The following ZNF716 variants were observed in gnomAD, a reference collection of about 807,000 sequenced individuals.
The protein encoded by ZNF716 is zinc finger protein 716.
ZNF716 carries 9 observed loss-of-function variants against 13.4 expected under a neutral mutation model. The ratio of observed to expected loss-of-function variants is 0.67; its 90% CI spans 0.41 to 1.18. The LOEUF is 1.18. Ranked by LOEUF, ZNF716 falls within the 50% of genes most tolerant of loss-of-function variation. The probability of loss-of-function intolerance (pLI) is 0.01; values close to 1 mark genes in which losing one functional copy is unlikely to be tolerated. For missense variants in ZNF716, 581 were observed against 576.6 expected (o/e 1.01, Z -0.08); for synonymous variants, 186 against 195.2 (o/e 0.95, Z 0.39).
chr7:57,466,680 T>A (rs539260831), intron 3 of ZNF716, among the ~76,000 whole-genome samples: 1 of 152,160 alleles, frequency 6.6e-6, no homozygotes, highest in Non-Finnish European at 1.5e-5. Flanking sequence ...TCTTTTTCTT[T>A]AGAAATTACC....
intron 1 of ZNF716, among the ~76,000 whole-genome samples, chr7:57,456,254 T>C (rs1789589415): frequency 6.6e-6 from 1 of 152,120 alleles, no homozygotes; most frequent in African/African-American, 2.4e-5. Context: ...ACGCCCGGCT[T>C]CTGGGTTGCA....
At chr7:57,461,609 G>T (rs1789709105) in intron 1 of ZNF716, among the ~76,000 whole-genome samples, 1 of 152,102 alleles carries the variant, frequency 6.6e-6, no homozygotes, top group Non-Finnish European at 1.5e-5. Flanking sequence ...ACAGGTGAGA[G>T]AAACTGGGAA....
chr7:57,455,304 G>A (rs1415886997), intron 1 of ZNF716, among the ~76,000 whole-genome samples: 1 of 152,066 alleles, frequency 6.6e-6, no homozygotes, highest in Non-Finnish European at 1.5e-5. Context: ...AGGAGCCCTG[G>A]GAGAAGAGAA....
intron 1 of ZNF716, among the ~76,000 whole-genome samples, chr7:57,458,351 T>G (rs1789641449): frequency 6.6e-6 from 1 of 152,244 alleles, no homozygotes; most frequent in Non-Finnish European, 1.5e-5. Context: ...TATTTCTTTT[T>G]TCTTTGTTAG....
chr7:57,460,788 A>G (rs1789695255), intron 1 of ZNF716, among the ~76,000 whole-genome samples: 2 of 152,154 alleles, frequency 1.3e-5, no homozygotes, highest in South Asian at 2.1e-4. Flanking sequence ...GTGCTCTATT[A>G]GTTCCATGCA....
At chr7:57,459,754 G>T (rs1181949468) in intron 1 of ZNF716, among the ~76,000 whole-genome samples, 1 of 152,142 alleles carries the variant, frequency 6.6e-6, no homozygotes, top group Non-Finnish European at 1.5e-5. Context: ...TGCGGTTCAT[G>T]CTCCCATTAC....
At chr7:57,454,749 G>C (rs1157960968) in intron 1 of ZNF716, among the ~76,000 whole-genome samples, 1 of 152,188 alleles carries the variant, frequency 6.6e-6, no homozygotes, top group Non-Finnish European at 1.5e-5. Context: ...TCCCGGCCGG[G>C]AGTGGTGGCT....
chr7:57,473,281 G>C lies in ZNF716; in HGVS notation c.*3332G>C, dbSNP rs1331001187. The C allele has an allele frequency of 6.6e-6, 1 of 152,126 alleles. No individual in the cohort carries two copies. Among genetic ancestry groups the C allele is most frequent in the Non-Finnish European group, 1.5e-5 (1 of 68,022 alleles). The allele number at this position is 152,126 out of a possible 1,614,324, so 9.4% of individuals were successfully genotyped here. A position where few individuals can be genotyped will look rare whatever the true frequency, so the allele number is the denominator to read the frequency against. On this transcript the variant is annotated 3_prime_UTR_variant, in exon 4 of 4. Coordinates refer to ENST00000420713, the MANE Select transcript of ZNF716 (RefSeq NM_001159279.1). Reference sequence around the variant, plus strand: ...CACAGTGGCTCCCAGCATTTTGGGAGCCTGAGGTGGGAGGATCATTTGAGG... The same window carrying C: ...CACAGTGGCTCCCAGCATTTTGGGACCCTGAGGTGGGAGGATCATTTGAGG...
chr7:57,458,507 C>G (rs1554322473), intron 1 of ZNF716, among the ~76,000 whole-genome samples: 1 of 151,980 alleles, frequency 6.6e-6, no homozygotes, highest in East Asian at 1.9e-4. Flanking sequence ...ACTGCAACCT[C>G]TGCCTTCCAG....
chr7:57,469,373 C>G lies in ZNF716; in HGVS notation c.912C>G (p.Ala304=). Residue 304 remains alanine (A), a synonymous_variant, in exon 4 of 4, where the codon GCC becomes GCG. Transcript: ENST00000420713. The part of the protein sequence containing the change: ...KPYTCEECGK[A]FSRSSTLTNH... ...ACACATGTGAAGAATGTGGCAAAGC[C>G]TTTAGCCGCTCTTCAACACTTACTA... The G allele has an allele frequency of 6.2e-7, 1 of 1,613,290 alleles. No homozygotes were observed. Among genetic ancestry groups the G allele is most frequent in the Non-Finnish European group, 8.5e-7 (1 of 1,179,720 alleles).
intron 3 of ZNF716, among the ~76,000 whole-genome samples, chr7:57,464,888 C>T (rs1554323825): frequency 6.6e-6 from 1 of 152,154 alleles, no homozygotes. Context: ...TGGTCATACA[C>T]AGAAGAGTTC....
At chr7:57,462,408 CTGTT>C (rs1180121459) in intron 1 of ZNF716, 48 bp from the exon 2 acceptor site, 24 of 1,584,414 alleles carry the variant, frequency 1.5e-5, no homozygotes, top group African/African-American at 4.1e-5. Flanking sequence ...AACATGGTAA[CTGTT>C]TGTGTGTTCA....
At chr7:57,456,362 T>G (rs1554322168) in intron 1 of ZNF716, among the ~76,000 whole-genome samples, 1 of 152,154 alleles carries the variant, frequency 6.6e-6, no homozygotes, top group Non-Finnish European at 1.5e-5. Context: ...TATGGGAGTC[T>G]CCAGTTTACA....
Position 57,469,781 on chromosome 7 carries a change from A to G in ZNF716, c.1320A>G (p.Glu440=), listed in dbSNP as rs1554324929. ...GAGAGAAACTCTACAAATGTAAAGA[A>G]TGTGGGAAAGCCTTTACCTTCTCCT... ...HTGEKLYKCK[E]CGKAFTFSST... The change falls in exon 4 of 4, where the codon GAA becomes GAG. Residue 440 remains glutamate (E), a synonymous_variant. Transcript: ENST00000420713. 1 of 1,608,724 alleles carries G rather than the reference A, an allele frequency of 6.2e-7. No homozygotes were observed. The highest frequency in any genetic ancestry group is 1.7e-5 in the Admixed American group (1 of 58,878).
intron 1 of ZNF716, among the ~76,000 whole-genome samples, chr7:57,461,258 CAA>C (rs1490483843): frequency 1.3e-5 from 2 of 152,020 alleles, no homozygotes; most frequent in African/African-American, 4.8e-5. Flanking sequence ...GCCTGGGTGA[CAA>C]AGAGAGATTT....
chr7:57,469,915 T>C lies in ZNF716; in HGVS notation c.1454T>C (p.Met485Thr), dbSNP rs782816521. The change falls in exon 4 of 4, where the codon ATG becomes ACG. Residue 485 changes from methionine (M) to threonine (T), a missense_variant. Met to Thr is a moderately conservative substitution (Grantham distance 81). Transcript: ENST00000420713. ...TCAAGTCTTGCTAATCATAAGAATATGCATACTGGAGAGAAACCCTACAAA... is the reference window on the plus strand; with the variant it reads ...TCAAGTCTTGCTAATCATAAGAATACGCATACTGGAGAGAAACCCTACAAA... The part of the protein sequence containing the change: ...WHSSLANHKN[M>T]HTGEKPYKYE 16 of 1,577,082 alleles carry C rather than the reference T, an allele frequency of 1.0e-5. No individual in the cohort carries two copies. In the East Asian group the frequency reaches 2.1e-4, roughly 21 times the overall value.
At position 57,468,956 on chromosome 7, in the gene ZNF716, C is replaced by T. The variant is rs1789864240; in HGVS notation, c.495C>T (p.Val165=). 1.2e-6 allele frequency: 2 copies of T among 1,609,446 alleles called. No homozygotes were observed. The highest frequency in any genetic ancestry group is 1.7e-6 in the Non-Finnish European group (2 of 1,177,518). ...TTCAGACTCATAAATGCGTCAAAGT[C>T]TTTGGTAAATTTTCAAATTCCAATA... ...KTFQTHKCVK[V]FGKFSNSNRH... Residue 165 remains valine (V), a synonymous_variant, in exon 4 of 4, where the codon GTC becomes GTT. Transcript: ENST00000420713.
chr7:57,467,543 T>G (rs1347661434), intron 3 of ZNF716, among the ~76,000 whole-genome samples: 6 of 152,018 alleles, frequency 3.9e-5, no homozygotes, highest in Non-Finnish European at 8.8e-5. Context: ...TGCACGTTTT[T>G]TTCTGATCTG....
chr7:57,468,883 G>T lies in ZNF716; in HGVS notation c.422G>T (p.Gly141Val). The T allele has an allele frequency of 6.2e-7, 1 of 1,613,472 alleles. No homozygotes were observed. The highest frequency in any genetic ancestry group is 8.5e-7 in the Non-Finnish European group (1 of 1,179,762). The change falls in exon 4 of 4, where the codon GGT becomes GTT. Residue 141 changes from glycine (G) to valine (V), a missense_variant. Coordinates refer to ENST00000420713, the MANE Select transcript of ZNF716 (RefSeq NM_001159279.1). Reference sequence around the variant, plus strand: ...GGTGAGTGTGAGGTGCACAAAGGAGGTTATAATTATGTTAACCAATGTTTG... The same window carrying T: ...GGTGAGTGTGAGGTGCACAAAGGAGTTTATAATTATGTTAACCAATGTTTG... The part of the protein sequence containing the change: ...SVGECEVHKG[G>V]YNYVNQCLSA...
Sources: allele counts gnomAD v4.1 joint callset (sites outside exome capture counted in the v4.1 genomes callset), GRCh38; gene constraint gnomAD v4.1.1; transcripts MANE v1.5; gene names NCBI Gene and HGNC (gene_info 2026-07-23, HGNC 2026-07-21).